The following RAB3IP variants were observed in gnomAD, a reference collection of about 807,000 sequenced individuals.
The protein encoded by RAB3IP is RAB3A interacting protein.
In RAB3IP, 36 loss-of-function variants were observed where a neutral mutation model predicts 59.1. That is an observed-to-expected ratio of 0.61 (90% confidence interval 0.47 to 0.80). The LOEUF (loss-of-function observed/expected upper bound fraction) is 0.80. RAB3IP is among the 30% of genes least tolerant of loss of function. The pLI is 0.00. For synonymous variants in RAB3IP, 207 were observed against 191.2 expected, an observed-to-expected ratio of 1.08 and a Z score of -0.68; for missense variants, 511 against 536.0, an observed-to-expected ratio of 0.95 and a Z score of 0.46.
intron 8 of RAB3IP, among the ~76,000 whole-genome samples, chr12:69,809,837 G>C (rs987254810): frequency 6.6e-6 from 1 of 151,968 alleles, no homozygotes; most frequent in Admixed American, 6.6e-5. Flanking sequence ...CTTTGCCATT[G>C]GTTCGAACTT....
chr12:69,748,496 G>T lies in RAB3IP; in HGVS notation c.-25-6888G>T, dbSNP rs139562166. ...CTGTTGTTTTTGCTGTGATAGTACTGATTTCGAGAAAGAAAAATTAACAGG... is the reference window on the plus strand; with the variant it reads ...CTGTTGTTTTTGCTGTGATAGTACTTATTTCGAGAAAGAAAAATTAACAGG... On this transcript the variant is annotated intron_variant, in intron 1 of 10. Transcript: ENST00000247833. Among the ~76,000 whole-genome samples the T allele has an allele frequency of 5.3e-4, 81 of 152,270 alleles. 1 individual carries two copies. In the East Asian group the frequency reaches 0.015, roughly 28 times the overall value.
At chr12:69,768,409 G>T (rs1402692319) in intron 3 of RAB3IP, among the ~76,000 whole-genome samples, 1 of 152,218 alleles carries the variant, frequency 6.6e-6, no homozygotes, top group Non-Finnish European at 1.5e-5. Context: ...GCAGGCTGCT[G>T]GTCAAGAAAA....
chr12:69,771,536 A>C (rs955643919), intron 3 of RAB3IP, among the ~76,000 whole-genome samples: 5 of 152,010 alleles, frequency 3.3e-5, no homozygotes, highest in African/African-American at 4.8e-5. Flanking sequence ...CCAAAAAAAA[A>C]AAAAAGTTCA....
intron 4 of RAB3IP, among the ~76,000 whole-genome samples, chr12:69,788,770 A>G (rs1017116420): frequency 6.6e-6 from 1 of 152,126 alleles, no homozygotes; most frequent in Non-Finnish European, 1.5e-5. Context: ...TCTCAGGTGC[A>G]CATGAAACAT....
chr12:69,741,219 C>G (rs1887305571), intron 1 of RAB3IP, among the ~76,000 whole-genome samples: 1 of 152,198 alleles, frequency 6.6e-6, no homozygotes, highest in Non-Finnish European at 1.5e-5. Flanking sequence ...CTTGACTCCT[C>G]AGTCCTCTGG....
chr12:69,788,604 T>C (rs1357163087), intron 4 of RAB3IP, among the ~76,000 whole-genome samples: 1 of 152,126 alleles, frequency 6.6e-6, no homozygotes, highest in Non-Finnish European at 1.5e-5. Flanking sequence ...AATACATTAA[T>C]AATAGGTGAC....
chr12:69,813,361 C>T (rs1768642731), intron 10 of RAB3IP, among the ~76,000 whole-genome samples: 1 of 152,062 alleles, frequency 6.6e-6, no homozygotes, highest in Non-Finnish European at 1.5e-5. Context: ...TGAATTGACT[C>T]TTTAAGAGAT....
At chr12:69,740,051 A>G (rs1404831201) in intron 1 of RAB3IP, among the ~76,000 whole-genome samples, 1 of 152,182 alleles carries the variant, frequency 6.6e-6, no homozygotes, top group Non-Finnish European at 1.5e-5. Flanking sequence ...GAATGATTGC[A>G]TAATTGGAGG....
chr12:69,783,993 G>C (rs1875198228), intron 3 of RAB3IP, among the ~76,000 whole-genome samples: 1 of 152,092 alleles, frequency 6.6e-6, no homozygotes, highest in African/African-American at 2.4e-5. Flanking sequence ...TATTTTATTA[G>C]TTTAATTGTG....
intron 3 of RAB3IP, among the ~76,000 whole-genome samples, chr12:69,769,107 A>C (rs1448861292): frequency 6.6e-6 from 1 of 151,972 alleles, no homozygotes; most frequent in Admixed American, 6.6e-5. Flanking sequence ...ACCATGTTAG[A>C]TGTGTATTTC....
chr12:69,753,340 T>A (rs1232310488), intron 1 of RAB3IP, among the ~76,000 whole-genome samples: 2 of 152,210 alleles, frequency 1.3e-5, no homozygotes, highest in African/African-American at 2.4e-5. Context: ...AATGATGTGC[T>A]ATATTGTTTG....
At chr12:69,811,205 G>C in intron 8 of RAB3IP, among the ~76,000 whole-genome samples, 1 of 152,092 alleles carries the variant, frequency 6.6e-6, no homozygotes, top group Non-Finnish European at 1.5e-5. Context: ...ACACATAGAA[G>C]GGAACAACAC....
At chr12:69,792,804 T>A (rs539044387) in intron 4 of RAB3IP, among the ~76,000 whole-genome samples, 27 of 152,330 alleles carry the variant, frequency 1.8e-4, no homozygotes, top group African/African-American at 5.8e-4. Context: ...TTTACTTCAC[T>A]ATTTTGTTCT....
rs944372104 is a variant in RAB3IP, at chr12:69,818,533, A to G, written c.*3087A>G. On this transcript the variant is annotated 3_prime_UTR_variant, in exon 11 of 11. Coordinates refer to ENST00000247833, the MANE Select transcript of RAB3IP (RefSeq NM_022456.5). ...AGAAATGCTTGCACAGGTCCCCCAG[A>G]TCACACATATAAGAATGTTCTGGAA... 1 of 152,116 alleles carries G rather than the reference A, an allele frequency of 6.6e-6. No homozygotes were observed. The highest frequency in any genetic ancestry group is 1.9e-4 in the East Asian group (1 of 5,196). 9.4% of individuals were successfully genotyped at this position (152,116 alleles called of 1,614,324 possible). A position where few individuals can be genotyped will look rare whatever the true frequency, so the allele number is the denominator to read the frequency against.
At chr12:69,779,409 C>A (rs1343951178) in intron 3 of RAB3IP, among the ~76,000 whole-genome samples, 1 of 152,120 alleles carries the variant, frequency 6.6e-6, no homozygotes, top group Non-Finnish European at 1.5e-5. Flanking sequence ...TAGACCGGAG[C>A]TGTTCCTATT....
intron 6 of RAB3IP, 124 bp downstream of exon 6, chr12:69,795,468 G>C: frequency 5.4e-6 from 4 of 746,344 alleles, no homozygotes; most frequent in Non-Finnish European, 9.3e-6. Flanking sequence ...TTAAGATGGG[G>C]GAGGCTTTAT....
intron 3 of RAB3IP, among the ~76,000 whole-genome samples, chr12:69,763,957 A>G (rs993883695): frequency 2.6e-5 from 4 of 152,178 alleles, no homozygotes; most frequent in Admixed American, 2.6e-4. Flanking sequence ...TTTAATGGCT[A>G]TATAATATTC....
At chr12:69,793,690 T>A (rs1369169843) in intron 4 of RAB3IP, among the ~76,000 whole-genome samples, 2 of 152,210 alleles carry the variant, frequency 1.3e-5, no homozygotes, top group African/African-American at 4.8e-5. Context: ...ACAATTCTTA[T>A]TCCGATGTTT....
At chr12:69,809,061 T>C (rs1182447066) in intron 8 of RAB3IP, among the ~76,000 whole-genome samples, 32 of 151,462 alleles carry the variant, frequency 2.1e-4, no homozygotes, top group Middle Eastern at 3.4e-3. Flanking sequence ...CCATGTTTAG[T>C]GCTTCCTTCA....
Sources: allele counts gnomAD v4.1 joint callset (sites outside exome capture counted in the v4.1 genomes callset), GRCh38; gene constraint gnomAD v4.1.1; transcripts MANE v1.5; gene names NCBI Gene and HGNC (gene_info 2026-07-23, HGNC 2026-07-21).